BPNT1: variants seen among roughly 807,000 people sequenced by gnomAD.
The protein encoded by BPNT1 is 3'(2'), 5'-bisphosphate nucleotidase 1.
In BPNT1, 28 loss-of-function variants were observed where a neutral mutation model predicts 36.9. The observed-to-expected ratio is 0.76, with a 90% CI of 0.56 to 1.04. The LOEUF (loss-of-function observed/expected upper bound fraction) is 1.04. BPNT1 is among the 50% of genes least tolerant of loss of function. The probability of loss-of-function intolerance (pLI) is 0.00; values close to 1 mark genes in which losing one functional copy is unlikely to be tolerated. For synonymous variants in BPNT1, 119 were observed against 130.9 expected (o/e 0.91, Z 0.62); for missense variants, 313 against 372.9 (o/e 0.84, Z 1.32).
intron 1 of BPNT1, among the ~76,000 whole-genome samples, chr1:220,083,328 C>CTT (rs1221796663): frequency 6.7e-6 from 1 of 150,110 alleles, no homozygotes. Context: ...AAACGGGTTT[C>CTT]TCTTTTTTTT....
chr1:220,070,169 C>T (rs946439796), intron 4 of BPNT1, among the ~76,000 whole-genome samples: 3 of 152,064 alleles, frequency 2.0e-5, no homozygotes, highest in African/African-American at 7.2e-5. Context: ...ACAGTCCATA[C>T]AATCCAAAGA....
At chr1:220,084,848 A>T (rs1195000077) in intron 1 of BPNT1, among the ~76,000 whole-genome samples, 1 of 152,244 alleles carries the variant, frequency 6.6e-6, no homozygotes, top group African/African-American at 2.4e-5. Context: ...AAGAAATAGA[A>T]GACAATAAAA....
chr1:220,078,023 A>G (rs1212537435), intron 2 of BPNT1, among the ~76,000 whole-genome samples: 3 of 151,700 alleles, frequency 2.0e-5, no homozygotes, highest in Admixed American at 2.0e-4. Context: ...CAAAATAAAA[A>G]CATTAGCTAG....
chr1:220,068,984 C>T (rs1663796685), intron 5 of BPNT1, among the ~76,000 whole-genome samples: 1 of 152,068 alleles, frequency 6.6e-6, no homozygotes, highest in African/African-American at 2.4e-5. Flanking sequence ...GAAAGCAGTT[C>T]ACAGATTAGG....
chr1:220,083,778 G>A (rs917736598), intron 1 of BPNT1, among the ~76,000 whole-genome samples: 8 of 152,240 alleles, frequency 5.3e-5, no homozygotes, highest in African/African-American at 1.9e-4. Context: ...AGTTTCAAGA[G>A]AGTTTGTGAT....
chr1:220,062,616 G>A, intron 7 of BPNT1, 141 bp downstream of exon 7: 1 of 864,124 alleles, frequency 1.2e-6, no homozygotes, highest in Non-Finnish European at 1.8e-6. Context: ...GTGTGCATGT[G>A]TCTTTATAGC....
Position 220,057,706 on chromosome 1 carries a change from A to G in BPNT1, c.*1138T>C. 1 of 478,802 alleles carries G rather than the reference A, an allele frequency of 2.1e-6. No homozygotes were observed. Among genetic ancestry groups the G allele is most frequent in the South Asian group, 1.9e-5 (1 of 52,618 alleles). 29.7% of individuals were successfully genotyped at this position (478,802 alleles called of 1,614,324 possible). A position where few individuals can be genotyped will look rare whatever the true frequency, so the allele number is the denominator to read the frequency against. The stretch of plus-strand genomic sequence containing the variant: ...TATAATTTTCAAACACTTTTTTAAA[A>G]AGCTGGTGAATAACAAAGAGCTAGG... On this transcript the variant is annotated 3_prime_UTR_variant, in exon 9 of 9. Coordinates refer to ENST00000322067, the MANE Select transcript of BPNT1 (RefSeq NM_006085.6).
intron 1 of BPNT1, among the ~76,000 whole-genome samples, chr1:220,082,063 A>AATATATATATATATATAT (rs369837553): frequency 9.1e-6 from 1 of 110,406 alleles, no homozygotes; most frequent in African/African-American, 3.7e-5. Flanking sequence ...TTCCAAGGAC[A>AATATATATATATATATAT]ATATATATAT....
intron 3 of BPNT1, 34 bp downstream of exon 3, chr1:220,073,931 CAG>C (rs757931822): frequency 1.3e-5 from 20 of 1,562,598 alleles, no homozygotes; most frequent in Admixed American, 5.1e-5. Flanking sequence ...ATTTGGTAAA[CAG>C]AGATTTTAAA....
In BPNT1 at chr1:220,080,724, T is replaced by C. The variant is rs534249529; in HGVS notation, c.-8-870A>G. On this transcript the variant is annotated intron_variant, in intron 1 of 8. Transcript: ENST00000322067. ...ATGAGGATTACAATTTAAGATGAGA[T>C]TTGGGTGGGGAAACAAAGCCTCACC... Among the ~76,000 whole-genome samples the C allele has an allele frequency of 2.6e-5, 4 of 152,278 alleles. No individual in the cohort carries two copies. The South Asian group carries it at 8.3e-4, about 32-fold the overall frequency.
rs577402293 is a variant in BPNT1, at chr1:220,089,755, G to C, written c.-78C>G. The C allele has an allele frequency of 6.6e-6, 1 of 152,342 alleles. No homozygotes were observed. The highest frequency in any genetic ancestry group is 2.4e-5 in the African/African-American group (1 of 41,580). The allele number at this position is 152,342 out of a possible 1,614,324, so 9.4% of individuals were successfully genotyped here. A position where few individuals can be genotyped will look rare whatever the true frequency, so the allele number is the denominator to read the frequency against. On this transcript the variant is annotated 5_prime_UTR_variant, in exon 1 of 9. Coordinates refer to ENST00000322067, the MANE Select transcript of BPNT1 (RefSeq NM_006085.6). ...GCGTTATCGTAGACCCAGGTCCCTC[G>C]TTGTGTCCAGTACCGAGCTTTGGCA...
chr1:220,082,595 TTTTTTTTCTGAGACGTAGTC>T (rs1429669596), intron 1 of BPNT1, among the ~76,000 whole-genome samples: 1 of 151,758 alleles, frequency 6.6e-6, no homozygotes, highest in East Asian at 2.0e-4. Flanking sequence ...CTTTTTTCTT[TTTTTTTTCTGAGACGTAGTC>T]TCACTCTGTC....
chr1:220,088,789 TAAA>T (rs1267059944), intron 1 of BPNT1, among the ~76,000 whole-genome samples: 1 of 114,106 alleles, frequency 8.8e-6, no homozygotes. Flanking sequence ...GAACCTGTCT[TAAA>T]AAAAAAAAAA....
At chr1:220,088,671 T>C (rs964210390) in intron 1 of BPNT1, among the ~76,000 whole-genome samples, 2 of 150,558 alleles carry the variant, frequency 1.3e-5, no homozygotes, top group African/African-American at 4.9e-5. Flanking sequence ...ATGCCTGTAG[T>C]CCCAGCTGCT....
Position 220,062,826 on chromosome 1 carries a change from C to G in BPNT1, c.603G>C (p.Lys201Asn). ...IITTTRSHSN[K>N]LVTDCVAAMN... Reference sequence around the variant, plus strand: ...TAGCAGCAACACAGTCAGTAACCAACTTGTTGCTATGGGATCGAGTAGTTG... The same window carrying G: ...TAGCAGCAACACAGTCAGTAACCAAGTTGTTGCTATGGGATCGAGTAGTTG... Residue 201 changes from lysine to asparagine, a missense_variant, in exon 7 of 9, where the codon AAG (lysine) becomes AAC (asparagine). By Grantham distance (94) the Lys-to-Asn change is moderately conservative (BLOSUM62 0). Coordinates refer to ENST00000322067, the MANE Select transcript of BPNT1 (RefSeq NM_006085.6). 6.2e-7 allele frequency: 1 copy of G among 1,614,148 alleles called. No individual in the cohort carries two copies. Among genetic ancestry groups the G allele is most frequent in the Non-Finnish European group, 8.5e-7 (1 of 1,180,026 alleles).
chr1:220,068,855 A>T (rs1663788200), intron 5 of BPNT1, among the ~76,000 whole-genome samples: 1 of 152,168 alleles, frequency 6.6e-6, no homozygotes. Context: ...GTTCATTCCT[A>T]CATTTATATG....
rs1452988499 is a variant in BPNT1 at position 220,057,839 on chromosome 1, T to C, written c.*1005A>G. The C allele has an allele frequency of 4.9e-6, 3 of 608,094 alleles. No individual in the cohort carries two copies. The South Asian group carries it at 6.7e-5, about 14-fold the overall frequency. The allele number at this position is 608,094 out of a possible 1,614,324, so 37.7% of individuals were successfully genotyped here. ...GGAGTAGAAACGTTTTTAAAATTAC[T>C]GTGAAAAACAAGAGTGAGATTCCAG... On this transcript the variant is annotated 3_prime_UTR_variant, in exon 9 of 9. Coordinates refer to ENST00000322067, the MANE Select transcript of BPNT1 (RefSeq NM_006085.6).
At position 220,058,187 on chromosome 1, in the gene BPNT1, A is replaced by G. The variant is rs896566369; in HGVS notation, c.*657T>C. 2.0e-6 allele frequency: 2 copies of G among 999,022 alleles called. No homozygotes were observed. The highest frequency in any genetic ancestry group is 2.4e-6 in the Non-Finnish European group (2 of 836,688). 61.9% of individuals were successfully genotyped at this position (999,022 alleles called of 1,614,324 possible). ...CGAGACTCCGTCTCAGGAAAAAAAA[A>G]GAGAAATCTGGTTTAGAAGATAGGA... On this transcript the variant is annotated 3_prime_UTR_variant, in exon 9 of 9. Coordinates refer to ENST00000322067, the MANE Select transcript of BPNT1 (RefSeq NM_006085.6).
intron 2 of BPNT1, among the ~76,000 whole-genome samples, chr1:220,079,485 C>T (rs1330382576): frequency 6.6e-6 from 1 of 152,136 alleles, no homozygotes; most frequent in Non-Finnish European, 1.5e-5. Flanking sequence ...AACTCCTGAC[C>T]TCATCATCCG....
Sources: allele counts gnomAD v4.1 joint callset (sites outside exome capture counted in the v4.1 genomes callset), GRCh38; gene constraint gnomAD v4.1.1; transcripts MANE v1.5; gene names NCBI Gene and HGNC (gene_info 2026-07-23, HGNC 2026-07-21).